ALG14: variants seen among roughly 807,000 people sequenced by gnomAD.
ALG14 encodes the protein ALG14 UDP-N-acetylglucosaminyltransferase subunit.
In ALG14, 17 loss-of-function variants were observed where a neutral mutation model predicts 22.8. The ratio of observed to expected loss-of-function variants is 0.75; its 90% CI spans 0.51 to 1.12. The LOEUF is 1.12. ALG14 is among the 50% of genes most tolerant of loss of function. The pLI is 0.00. For missense variants in ALG14, 288 were observed against 271.8 expected, an observed-to-expected ratio of 1.06 and a Z score of -0.42; for synonymous variants, 89 against 103.7, an observed-to-expected ratio of 0.86 and a Z score of 0.86.
intron 3 of ALG14, among the ~76,000 whole-genome samples, chr1:94,988,430 ATCTTCAGAT>A (rs977681478): frequency 6.6e-6 from 1 of 152,212 alleles, no homozygotes; most frequent in Non-Finnish European, 1.5e-5. Context: ...CAGAGAAAAG[ATCTTCAGAT>A]TTGGTCAAGA....
intron 2 of ALG14, among the ~76,000 whole-genome samples, chr1:95,060,722 A>C (rs981481951): frequency 6.6e-6 from 1 of 152,148 alleles, no homozygotes; most frequent in South Asian, 2.1e-4. Context: ...TTTAAAAAAA[A>C]AACAACAAAT....
intron 3 of ALG14, among the ~76,000 whole-genome samples, chr1:95,021,167 A>G (rs964048240): frequency 3.9e-5 from 6 of 152,222 alleles, no homozygotes; most frequent in African/African-American, 1.2e-4. Flanking sequence ...GCCCACCTAA[A>G]GGCTGTAAAT....
intron 2 of ALG14, among the ~76,000 whole-genome samples, chr1:95,036,834 T>C (rs1370610256): frequency 6.6e-6 from 1 of 152,180 alleles, no homozygotes; most frequent in Non-Finnish European, 1.5e-5. Context: ...CCACTTACTT[T>C]GCATGAATCA....
intron 3 of ALG14, among the ~76,000 whole-genome samples, chr1:94,984,632 T>C (rs2100711357): frequency 1.3e-5 from 2 of 152,354 alleles, no homozygotes; most frequent in South Asian, 4.1e-4. Context: ...TTCCCTTGAA[T>C]TACCAGCTAC....
intron 3 of ALG14, among the ~76,000 whole-genome samples, chr1:95,013,220 T>G (rs1266556376): frequency 6.6e-6 from 1 of 152,082 alleles, no homozygotes; most frequent in African/African-American, 2.4e-5. Flanking sequence ...TTGTCTCATT[T>G]TTCTAGTGCA....
At chr1:95,011,365 T>A (rs1557951665) in intron 3 of ALG14, among the ~76,000 whole-genome samples, 2 of 151,972 alleles carry the variant, frequency 1.3e-5, no homozygotes, top group African/African-American at 2.4e-5. Flanking sequence ...AGACATCAAA[T>A]GGGATGACGC....
chr1:94,983,372 TAAG>T, intron 3 of ALG14, 66 bp from the exon 4 acceptor site: 5 of 1,338,684 alleles, frequency 3.7e-6, no homozygotes, highest in Non-Finnish European at 5.2e-6. Flanking sequence ...CATTTTGCAT[TAAG>T]AACAGCCTGA....
rs368463369 is a variant in ALG14, at chr1:95,026,570, G to A, written c.420+559C>T. ...CAGTCAGAACACATACATTTATTAA[G>A]TTCACTGTCTTATGTAAGCACGATT... On this transcript the variant is annotated intron_variant, in intron 3 of 3. Transcript: ENST00000370205. 1.0e-3 allele frequency among the ~76,000 whole-genome samples: 153 copies of A among 151,722 alleles called. 1 individual carries two copies. In the South Asian group the frequency reaches 0.031, roughly 30 times the overall value.
intron 3 of ALG14, among the ~76,000 whole-genome samples, chr1:94,986,333 GAAGA>G (rs1054926752): frequency 2.6e-5 from 4 of 152,182 alleles, no homozygotes; most frequent in Non-Finnish European, 4.4e-5. Flanking sequence ...TTGCTGAAAG[GAAGA>G]AAGAAAGGAA....
chr1:95,038,711 A>G (rs997381906), intron 2 of ALG14, among the ~76,000 whole-genome samples: 1 of 148,762 alleles, frequency 6.7e-6, no homozygotes. Context: ...GTGATAAACT[A>G]TAAGGTTTTT....
At chr1:94,996,359 G>T (rs1672909625) in intron 3 of ALG14, among the ~76,000 whole-genome samples, 1 of 152,224 alleles carries the variant, frequency 6.6e-6, no homozygotes. Context: ...GGCAGAAGGG[G>T]TCTGTGTGTG....
intron 2 of ALG14, among the ~76,000 whole-genome samples, chr1:95,039,339 G>T (rs1017532046): frequency 6.6e-6 from 1 of 152,126 alleles, no homozygotes; most frequent in African/African-American, 2.4e-5. Flanking sequence ...GAGAGGGCAC[G>T]ACCAGAGAAG....
intron 3 of ALG14, among the ~76,000 whole-genome samples, chr1:95,000,321 A>G (rs928015499): frequency 5.9e-5 from 9 of 151,968 alleles, no homozygotes; most frequent in African/African-American, 1.9e-4. Context: ...AGATCACTTG[A>G]GCCCAGGAGT....
At chr1:95,026,350 T>C (rs186409886) in intron 3 of ALG14, among the ~76,000 whole-genome samples, 74 of 152,322 alleles carry the variant, frequency 4.9e-4, no homozygotes, top group African/African-American at 1.8e-3. Context: ...TGATTTAAAA[T>C]GTGAAACATA....
At chr1:95,033,801 A>T (rs1186403277) in intron 2 of ALG14, among the ~76,000 whole-genome samples, 1 of 152,130 alleles carries the variant, frequency 6.6e-6, no homozygotes, top group Non-Finnish European at 1.5e-5. Context: ...CACCTTGACT[A>T]CTTCAACAGC....
intron 3 of ALG14, among the ~76,000 whole-genome samples, chr1:95,015,461 G>A (rs1673473300): frequency 6.6e-6 from 1 of 152,216 alleles, no homozygotes; most frequent in African/African-American, 2.4e-5. Flanking sequence ...TAAATGCTAA[G>A]CTCTAAGTTC....
At chr1:95,020,259 A>G (rs1476701612) in intron 3 of ALG14, among the ~76,000 whole-genome samples, 1 of 151,976 alleles carries the variant, frequency 6.6e-6, no homozygotes, top group African/African-American at 2.4e-5. Context: ...AAAATAAGTC[A>G]TCAAATTGCA....
chr1:95,015,009 G>A (rs983311034), intron 3 of ALG14, among the ~76,000 whole-genome samples: 6 of 152,222 alleles, frequency 3.9e-5, no homozygotes, highest in South Asian at 2.1e-4. Flanking sequence ...AACTTGCCAC[G>A]GCACTCAGAA....
intron 3 of ALG14, among the ~76,000 whole-genome samples, chr1:95,024,275 C>A (rs1394028200): frequency 6.6e-6 from 1 of 152,150 alleles, no homozygotes. Context: ...CCGCGCCCGG[C>A]CTTTTAAATA....
Sources: allele counts gnomAD v4.1 joint callset (sites outside exome capture counted in the v4.1 genomes callset), GRCh38; gene constraint gnomAD v4.1.1; transcripts MANE v1.5; gene names NCBI Gene and HGNC (gene_info 2026-07-23, HGNC 2026-07-21).